PBK: variants seen among roughly 807,000 people sequenced by gnomAD.
PBK encodes the protein lymphokine-activated killer T-cell-originated protein kinase.
Under a neutral mutation model 33.5 loss-of-function variants are expected in PBK, and 22 were observed. That is an observed-to-expected ratio of 0.66 (90% CI 0.47 to 0.94). PBK has a LOEUF of 0.94. Among genes scored for constraint, PBK ranks in the 40% least tolerant of loss-of-function variants. PBK has a pLI of 0.00. For synonymous variants in PBK, 129 were observed against 123.8 expected, an observed-to-expected ratio of 1.04 and a Z score of -0.28; for missense variants, 376 against 383.4, an observed-to-expected ratio of 0.98 and a Z score of 0.16.
intron 6 of PBK, among the ~76,000 whole-genome samples, chr8:27,813,367 CTAGT>C (rs1476332844): frequency 1.3e-5 from 2 of 152,032 alleles, no homozygotes; most frequent in Admixed American, 1.3e-4. Context: ...ATGTAAATGA[CTAGT>C]TAATGGGTGC....
intron 6 of PBK, 134 bp downstream of exon 6, chr8:27,820,431 G>GAGAAAAAA (rs1303630007): frequency 3.4e-6 from 2 of 593,960 alleles, no homozygotes; most frequent in Non-Finnish European, 5.8e-6. Context: ...CTGGGAGAGA[G>GAGAAAAAA]AGAAAAAAAG....
chr8:27,822,636 A>G, intron 4 of PBK, 148 bp from the exon 5 acceptor site: 1 of 542,172 alleles, frequency 1.8e-6, no homozygotes, highest in South Asian at 3.0e-5. Flanking sequence ...CTAATTCAGT[A>G]GATCTCATTT....
intron 5 of PBK, among the ~76,000 whole-genome samples, chr8:27,820,990 A>G (rs1160629305): frequency 2.6e-5 from 4 of 151,298 alleles, no homozygotes; most frequent in African/African-American, 4.9e-5. Flanking sequence ...CACCTGGCTA[A>G]TTTTTGTATT....
chr8:27,826,744 C>T (rs1173713397), intron 3 of PBK, among the ~76,000 whole-genome samples: 2 of 105,714 alleles, frequency 1.9e-5, no homozygotes, highest in Non-Finnish European at 3.6e-5. Flanking sequence ...TGCAGTGAGC[C>T]GAGATCGCGC....
chr8:27,831,377 A>G (rs1806126456), intron 2 of PBK, among the ~76,000 whole-genome samples: 1 of 152,066 alleles, frequency 6.6e-6, no homozygotes, highest in Non-Finnish European at 1.5e-5. Flanking sequence ...AGAAATAACC[A>G]TCCTAAATGT....
chr8:27,823,220 C>T lies in PBK; in HGVS notation c.153-15G>A, dbSNP rs1307248533. ...CTCTTGGAGATCTAAGAAAAAAATT[C>T]ATTTAAAAAGGATAGAAAACAATAA... On this transcript the variant is annotated splice_polypyrimidine_tract_variant and intron_variant, in intron 3 of 7. Coordinates refer to ENST00000301905, the MANE Select transcript of PBK (RefSeq NM_018492.4). 1 of 1,469,892 alleles carries T rather than the reference C, an allele frequency of 6.8e-7. No individual in the cohort carries two copies. The highest frequency in any genetic ancestry group is 9.3e-7 in the Non-Finnish European group (1 of 1,080,364). The allele number at this position is 1,469,892 out of a possible 1,614,324, so 91.1% of individuals were successfully genotyped here.
intron 5 of PBK, among the ~76,000 whole-genome samples, chr8:27,821,167 T>TTA (rs1234478389): frequency 6.6e-6 from 1 of 151,976 alleles, no homozygotes; most frequent in Non-Finnish European, 1.5e-5. Flanking sequence ...ACATCCCATG[T>TTA]TATCTCAGTC....
intron 3 of PBK, among the ~76,000 whole-genome samples, chr8:27,827,688 C>A (rs1049331853): frequency 3.3e-5 from 5 of 152,146 alleles, no homozygotes; most frequent in Admixed American, 1.3e-4. Context: ...AAATGAAAAT[C>A]TTTTACTTCT....
At chr8:27,818,154 A>C (rs966900153) in intron 6 of PBK, among the ~76,000 whole-genome samples, 1 of 152,214 alleles carries the variant, frequency 6.6e-6, no homozygotes, top group East Asian at 1.9e-4. Context: ...GCTAATGGCC[A>C]TGCAGCTTGA....
chr8:27,817,713 G>A (rs776986596), intron 6 of PBK, among the ~76,000 whole-genome samples: 2 of 151,930 alleles, frequency 1.3e-5, no homozygotes, highest in Non-Finnish European at 2.9e-5. Flanking sequence ...AGGGTCAAAG[G>A]GCATAAACAT....
At chr8:27,821,872 TATA>T (rs1805935857) in intron 5 of PBK, among the ~76,000 whole-genome samples, 1 of 151,426 alleles carries the variant, frequency 6.6e-6, no homozygotes, top group African/African-American at 2.4e-5. Flanking sequence ...CCCATAAGAT[TATA>T]ATATCATATT....
rs1585419624 is a variant in PBK at position 27,811,343 on chromosome 8, T to G, written c.596-209A>C. 4 of 602,484 alleles carry G rather than the reference T, an allele frequency of 6.6e-6. No individual in the cohort carries two copies. In the East Asian group the frequency reaches 8.3e-5, roughly 12 times the overall value. 37.3% of individuals were successfully genotyped at this position (602,484 alleles called of 1,614,324 possible). A position where few individuals can be genotyped will look rare whatever the true frequency, so the allele number is the denominator to read the frequency against. On this transcript the variant is annotated intron_variant, in intron 6 of 7. Coordinates refer to ENST00000301905, the MANE Select transcript of PBK (RefSeq NM_018492.4). ...CAAGAAGCTGGTCAGTTGGCAGGTA[T>G]GTAGAGAAACAGCAATTCTCTTACA...
chr8:27,810,637 G>A (rs1805659035), intron 7 of PBK, 136 bp from the exon 8 acceptor site: 1 of 610,480 alleles, frequency 1.6e-6, no homozygotes, highest in Non-Finnish European at 2.9e-6. Flanking sequence ...GAATGGAAAT[G>A]TCTTCAATTG....
chr8:27,824,015 TC>T (rs1563492846), intron 3 of PBK, among the ~76,000 whole-genome samples: 1 of 152,050 alleles, frequency 6.6e-6, no homozygotes, highest in Admixed American at 6.5e-5. Flanking sequence ...GAATCAAAGA[TC>T]TGTTTAGCTT....
At position 27,823,210 on chromosome 8, in the gene PBK, G is replaced by GA. The variant is rs756945584; in HGVS notation, c.153-6dup. On this transcript the variant is annotated splice_region_variant and splice_polypyrimidine_tract_variant and intron_variant, in intron 3 of 7. Transcript: ENST00000301905. The stretch of plus-strand genomic sequence containing the variant: ...TGAGACAAACCTCTTGGAGATCTAA[G>GA]AAAAAAATTCATTTAAAAAGGATAG... 4.1e-6 allele frequency: 6 copies of GA among 1,479,534 alleles called. No individual in the cohort carries two copies. In the African/African-American group the frequency reaches 4.3e-5, roughly 11 times the overall value. 91.7% of individuals were successfully genotyped at this position (1,479,534 alleles called of 1,614,324 possible).
In PBK at chr8:27,833,100, C is replaced by T. The variant is rs1806160337; in HGVS notation, c.14G>A (p.Ser5Asn). The T allele has an allele frequency of 1.3e-6, 2 of 1,598,612 alleles. No individual in the cohort carries two copies. Among genetic ancestry groups the T allele is most frequent in the Admixed American group, 1.8e-5 (1 of 56,948 alleles). ...TAATTTGCTTGGTGTCTTGAAATTA[C>T]TGATCCCTTCCATTGTGAAAGCCAC... is the stretch of plus-strand genomic sequence containing the variant. MEGI[S>N]NFKTPSKLSE... Residue 5 changes from serine to asparagine, a missense_variant, in exon 2 of 8, where the codon AGT becomes AAT. Coordinates refer to ENST00000301905, the MANE Select transcript of PBK (RefSeq NM_018492.4).
chr8:27,822,991 TAAG>T (rs1805957754), intron 4 of PBK, 69 bp downstream of exon 4: 2 of 941,564 alleles, frequency 2.1e-6, no homozygotes, highest in East Asian at 2.5e-5. Context: ...TGAAACCAGT[TAAG>T]AGAGCATATA....
chr8:27,834,740 A>G (rs1240411629), intron 1 of PBK, among the ~76,000 whole-genome samples: 1 of 152,088 alleles, frequency 6.6e-6, no homozygotes, highest in East Asian at 1.9e-4. Flanking sequence ...CTAAAAATAC[A>G]AAAAAATTAG....
At chr8:27,826,904 G>A (rs533131636) in intron 3 of PBK, among the ~76,000 whole-genome samples, 2 of 138,522 alleles carry the variant, frequency 1.4e-5, no homozygotes, top group Non-Finnish European at 3.3e-5. Flanking sequence ...TTTTAAAAAG[G>A]GGGAAAAAAA....
Sources: allele counts gnomAD v4.1 joint callset (sites outside exome capture counted in the v4.1 genomes callset), GRCh38; gene constraint gnomAD v4.1.1; transcripts MANE v1.5; gene names NCBI Gene and HGNC (gene_info 2026-07-23, HGNC 2026-07-21).